The following CHST11 variants were observed in gnomAD, a reference collection of about 807,000 sequenced individuals.
CHST11 encodes C4S-1.
A neutral mutation model predicts 30.4 loss-of-function variants in CHST11; 9 were observed. The ratio of observed to expected loss-of-function variants is 0.30; its 90% CI spans 0.18 to 0.52. The LOEUF is 0.52. Among genes scored for constraint, CHST11 ranks in the 20% least tolerant of loss-of-function variants. CHST11 has a pLI of 0.97. For synonymous variants in CHST11, 152 were observed against 187.8 expected (o/e 0.81, Z 1.56); for missense variants, 348 against 460.6 (o/e 0.76, Z 2.24).
intron 2 of CHST11, among the ~76,000 whole-genome samples, chr12:104,727,829 G>A (rs1011545237): frequency 2.6e-5 from 4 of 152,176 alleles, no homozygotes; most frequent in African/African-American, 9.7e-5. Flanking sequence ...GGGAGGATAA[G>A]GAGACGGTTA....
chr12:104,482,352 C>T (rs868430231), intron 1 of CHST11, among the ~76,000 whole-genome samples: 7 of 95,290 alleles, frequency 7.3e-5, no homozygotes, highest in African/African-American at 2.3e-4. Flanking sequence ...GAGCCCCCCC[C>T]CGCAAAAATG....
At chr12:104,520,988 G>A (rs1249213935) in intron 1 of CHST11, among the ~76,000 whole-genome samples, 1 of 152,206 alleles carries the variant, frequency 6.6e-6, no homozygotes, top group Non-Finnish European at 1.5e-5. Flanking sequence ...AATCTATTTA[G>A]AGAATCTGAG....
At position 104,725,929 on chromosome 12, in the gene CHST11, C is replaced by T. The variant is rs114343430; in HGVS notation, c.205-31020C>T. On this transcript the variant is annotated intron_variant, in intron 2 of 2. Coordinates refer to ENST00000303694, the MANE Select transcript of CHST11 (RefSeq NM_018413.6). Reference sequence around the variant, plus strand: ...AGCAGTGTATGGATGATCTTTTCAGCTGCTTTGCCTCTGCCATCTTGATTA... The same window carrying T: ...AGCAGTGTATGGATGATCTTTTCAGTTGCTTTGCCTCTGCCATCTTGATTA... Among the ~76,000 whole-genome samples the T allele has an allele frequency of 4.8e-3, 725 of 152,230 alleles. 4 individuals carry two copies. Among genetic ancestry groups the T allele is most frequent in the Middle Eastern group, 0.014 (4 of 292 alleles).
chr12:104,468,221 G>A (rs755480538), intron 1 of CHST11, among the ~76,000 whole-genome samples: 6 of 152,042 alleles, frequency 3.9e-5, no homozygotes, highest in Admixed American at 1.3e-4. Flanking sequence ...TGCAAAGGTC[G>A]CTTTAAAGAT....
At chr12:104,696,841 G>C (rs1204219455) in intron 2 of CHST11, among the ~76,000 whole-genome samples, 1 of 152,080 alleles carries the variant, frequency 6.6e-6, no homozygotes, top group Admixed American at 6.5e-5. Context: ...ATGCAACACA[G>C]GTTTATGTTT....
At chr12:104,550,236 T>C (rs560572153) in intron 1 of CHST11, among the ~76,000 whole-genome samples, 131 of 152,338 alleles carry the variant, frequency 8.6e-4, no homozygotes, top group Non-Finnish European at 1.3e-3. Context: ...TAGTGTTTCC[T>C]GGGTCAGCTG....
At chr12:104,531,433 A>G (rs1042997768) in intron 1 of CHST11, among the ~76,000 whole-genome samples, 2 of 148,230 alleles carry the variant, frequency 1.3e-5, no homozygotes, top group African/African-American at 5.1e-5. Flanking sequence ...GCAGTGAGCT[A>G]TGATTGTGGC....
At chr12:104,543,968 T>TA (rs1309351686) in intron 1 of CHST11, among the ~76,000 whole-genome samples, 4 of 151,242 alleles carry the variant, frequency 2.6e-5, no homozygotes, top group South Asian at 4.2e-4. Context: ...CAAAAAATTT[T>TA]AAAAAATTAG....
chr12:104,679,487 C>T (rs1034686934), intron 2 of CHST11, among the ~76,000 whole-genome samples: 3 of 152,128 alleles, frequency 2.0e-5, no homozygotes, highest in African/African-American at 4.8e-5. Flanking sequence ...GTCAGATCTT[C>T]TTCTTTGACC....
chr12:104,650,497 T>G (rs138973754), intron 2 of CHST11, among the ~76,000 whole-genome samples: 10 of 152,318 alleles, frequency 6.6e-5, no homozygotes, highest in East Asian at 3.9e-4. Flanking sequence ...TCTCACTGAT[T>G]AGAACCTATG....
At chr12:104,532,883 G>C (rs1421730430) in intron 1 of CHST11, among the ~76,000 whole-genome samples, 1 of 152,118 alleles carries the variant, frequency 6.6e-6, no homozygotes, top group Non-Finnish European at 1.5e-5. Flanking sequence ...TGCTATGAGG[G>C]ACTTCCCTCT....
At chr12:104,541,579 G>T (rs914730214) in intron 1 of CHST11, among the ~76,000 whole-genome samples, 2 of 151,950 alleles carry the variant, frequency 1.3e-5, no homozygotes, top group Admixed American at 6.6e-5. Context: ...TAGAGTTTTG[G>T]CATCACCTCT....
chr12:104,511,305 A>T (rs780576871), intron 1 of CHST11, among the ~76,000 whole-genome samples: 1 of 152,172 alleles, frequency 6.6e-6, no homozygotes, highest in African/African-American at 2.4e-5. Context: ...TTGCTCAGGA[A>T]ATTATGTTTC....
At chr12:104,540,627 G>A (rs2038277141) in intron 1 of CHST11, among the ~76,000 whole-genome samples, 1 of 152,212 alleles carries the variant, frequency 6.6e-6, no homozygotes, top group Admixed American at 6.5e-5. Context: ...GTCTTAGATT[G>A]GTGCCTCAGC....
intron 1 of CHST11, among the ~76,000 whole-genome samples, chr12:104,590,061 C>A (rs1291219248): frequency 6.6e-6 from 1 of 151,916 alleles, no homozygotes; most frequent in Non-Finnish European, 1.5e-5. Context: ...CCCTAGCTGG[C>A]CCGTCCCTTG....
At chr12:104,675,461 A>G (rs1453282362) in intron 2 of CHST11, among the ~76,000 whole-genome samples, 2 of 152,164 alleles carry the variant, frequency 1.3e-5, no homozygotes, top group African/African-American at 4.8e-5. Flanking sequence ...TCTCTTAGCT[A>G]TGTAATGTGA....
At chr12:104,511,219 A>G (rs1410852074) in intron 1 of CHST11, among the ~76,000 whole-genome samples, 1 of 152,162 alleles carries the variant, frequency 6.6e-6, no homozygotes, top group East Asian at 1.9e-4. Flanking sequence ...GTCTTGTTTA[A>G]TAATAGAATC....
intron 2 of CHST11, among the ~76,000 whole-genome samples, chr12:104,639,178 C>G (rs2039351507): frequency 1.3e-5 from 2 of 152,166 alleles, no homozygotes; most frequent in African/African-American, 4.8e-5. Context: ...AAATTCAGGT[C>G]TGGAGTCACA....
At chr12:104,571,987 G>A (rs112499787) in intron 1 of CHST11, among the ~76,000 whole-genome samples, 13,659 of 151,358 alleles carry the variant, frequency 0.09, 912 homozygotes, top group African/African-American at 0.25. Context: ...GGTTTTTGTC[G>A]TTGGTTCTGT....
Sources: allele counts gnomAD v4.1 joint callset (sites outside exome capture counted in the v4.1 genomes callset), GRCh38; gene constraint gnomAD v4.1.1; transcripts MANE v1.5; gene names NCBI Gene and HGNC (gene_info 2026-07-23, HGNC 2026-07-21).